Variants in EXTL3 observed in about 807,000 individuals in gnomAD.
The protein encoded by EXTL3 is exostosin-like 3.
EXTL3 carries 27 observed loss-of-function variants against 69.3 expected under a neutral mutation model. The observed-to-expected ratio is 0.39, with a 90% confidence interval of 0.29 to 0.54. The LOEUF is 0.54. EXTL3 is among the 20% of genes least tolerant of loss of function. The pLI is 0.69. For missense variants in EXTL3, 1,003 were observed against 1,231.8 expected, an observed-to-expected ratio of 0.81 and a Z score of 2.78; for synonymous variants, 511 against 499.4, an observed-to-expected ratio of 1.02 and a Z score of -0.31.
chr8:28,626,916 C>T (rs1272967451), intron 1 of EXTL3, among the ~76,000 whole-genome samples: 1 of 152,340 alleles, frequency 6.6e-6, no homozygotes, highest in Non-Finnish European at 1.5e-5. Flanking sequence ...GGCGTGGTGG[C>T]TCATGCCTGT....
At chr8:28,609,148 G>A (rs980845591) in intron 2 of EXTL3, among the ~76,000 whole-genome samples, 2 of 152,018 alleles carry the variant, frequency 1.3e-5, no homozygotes, top group Non-Finnish European at 1.5e-5. Flanking sequence ...AAATAAGGCC[G>A]ATTTGTCCAG....
chr8:28,673,711 C>T (rs1807335824), intron 1 of EXTL3, among the ~76,000 whole-genome samples: 1 of 152,140 alleles, frequency 6.6e-6, no homozygotes, highest in Non-Finnish European at 1.5e-5. Flanking sequence ...CTCTCTGTAT[C>T]TATCTATATA....
At chr8:28,692,980 C>G (rs2130680916) in intron 1 of EXTL3, among the ~76,000 whole-genome samples, 1 of 152,254 alleles carries the variant, frequency 6.6e-6, no homozygotes, top group African/African-American at 2.4e-5. Flanking sequence ...TTTTGCTACT[C>G]ACTGGCATAA....
chr8:28,669,933 G>C (rs570044058), intron 1 of EXTL3, among the ~76,000 whole-genome samples: 1 of 152,228 alleles, frequency 6.6e-6, no homozygotes, highest in African/African-American at 2.4e-5. Context: ...TTGAGGCCGG[G>C]TGCAGTGGCT....
intron 1 of EXTL3, among the ~76,000 whole-genome samples, chr8:28,687,375 A>G (rs956022643): frequency 6.6e-6 from 1 of 152,184 alleles, no homozygotes; most frequent in Admixed American, 6.5e-5. Flanking sequence ...CTGAGGCAGG[A>G]GAATCGCTTG....
At chr8:28,691,826 G>A (rs372201682) in intron 1 of EXTL3, among the ~76,000 whole-genome samples, 1 of 151,412 alleles carries the variant, frequency 6.6e-6, no homozygotes, top group Non-Finnish European at 1.5e-5. Context: ...GAACCCGGGA[G>A]GCAGAAGTTG....
chr8:28,750,689 A>C lies in EXTL3; in HGVS notation c.2583A>C (p.Gly861=), dbSNP rs930358230. ...CACGGTGGACATTCCGATGCCCAGG[A>C]TGCCCTCAGGCCCTGTCTCATGATG... ...VTSRWTFRCP[G]CPQALSHDDS... Residue 861 remains glycine (G), a synonymous_variant, in exon 7 of 7, where the codon GGA becomes GGC. Transcript: ENST00000220562. The surrounding 1 kb of genome is among the most constrained non-coding windows in gnomAD (Gnocchi z 5.2). The C allele has an allele frequency of 2.4e-5, 39 of 1,614,146 alleles. No homozygotes were observed. Among genetic ancestry groups the C allele is most frequent in the Non-Finnish European group, 3.3e-5 (39 of 1,180,016 alleles).
At chr8:28,619,781 C>T (rs886346073), upstream of EXTL3, among the ~76,000 whole-genome samples, 2 of 142,408 alleles carry the variant, frequency 1.4e-5, no homozygotes, top group African/African-American at 2.5e-5. Flanking sequence ...CACACATTAG[C>T]GCTTTTATTT....
At chr8:28,639,502 T>C (rs1057128734) in intron 1 of EXTL3, among the ~76,000 whole-genome samples, 1 of 152,228 alleles carries the variant, frequency 6.6e-6, no homozygotes, top group Non-Finnish European at 1.5e-5. Flanking sequence ...AGCAGGAAGC[T>C]GAAGCAAAAC....
intron 1 of EXTL3, among the ~76,000 whole-genome samples, chr8:28,689,245 A>G (rs772971193): frequency 1.3e-5 from 2 of 152,118 alleles, no homozygotes; most frequent in Non-Finnish European, 2.9e-5. Flanking sequence ...GGCTTAGGGG[A>G]TTTTATATCC....
chr8:28,706,210 A>C (rs933713918), intron 1 of EXTL3, among the ~76,000 whole-genome samples: 3 of 152,214 alleles, frequency 2.0e-5, no homozygotes, highest in Non-Finnish European at 4.4e-5. Flanking sequence ...TTTACATACA[A>C]ATCTTGCTCA....
At chr8:28,664,627 T>C (rs1418028511) in intron 1 of EXTL3, among the ~76,000 whole-genome samples, 2 of 152,240 alleles carry the variant, frequency 1.3e-5, no homozygotes, top group Non-Finnish European at 2.9e-5. Context: ...TGATTCTTTA[T>C]AGAATCCAGA....
intron 1 of EXTL3, among the ~76,000 whole-genome samples, chr8:28,710,925 C>G (rs928883539): frequency 5.9e-5 from 9 of 152,142 alleles, no homozygotes; most frequent in Non-Finnish European, 5.9e-5. Flanking sequence ...GTGTTCCTTC[C>G]TCTGGAAGAG....
chr8:28,684,418 A>T (rs915738010), intron 1 of EXTL3, among the ~76,000 whole-genome samples: 1 of 152,062 alleles, frequency 6.6e-6, no homozygotes, highest in Non-Finnish European at 1.5e-5. Context: ...CATTATTTCT[A>T]TCTGAGGTGG....
intron 1 of EXTL3, among the ~76,000 whole-genome samples, chr8:28,634,605 T>C (rs1183973251): frequency 2.0e-5 from 3 of 151,258 alleles, no homozygotes; most frequent in African/African-American, 7.3e-5. Context: ...TGCTTTTTTT[T>C]TTTTTTTTGA....
At chr8:28,625,619 C>T (rs1337789691) in intron 1 of EXTL3, among the ~76,000 whole-genome samples, 4 of 152,186 alleles carry the variant, frequency 2.6e-5, no homozygotes, top group Non-Finnish European at 4.4e-5. Context: ...TCAATAAACA[C>T]CCTAGCACAG....
chr8:28,619,996 G>C (rs1806389773), upstream of EXTL3, among the ~76,000 whole-genome samples: 1 of 150,622 alleles, frequency 6.6e-6, no homozygotes, highest in Non-Finnish European at 1.5e-5. Flanking sequence ...TCAACCTCCC[G>C]AGTAGCTGGG....
intron 1 of EXTL3, among the ~76,000 whole-genome samples, chr8:28,683,983 T>C (rs1168628398): frequency 6.6e-6 from 1 of 152,134 alleles, no homozygotes; most frequent in Non-Finnish European, 1.5e-5. Flanking sequence ...CTCCATGAAT[T>C]CAGTTGTTTT....
At chr8:28,659,317 T>A (rs1379505397) in intron 1 of EXTL3, among the ~76,000 whole-genome samples, 2 of 152,204 alleles carry the variant, frequency 1.3e-5, no homozygotes, top group African/African-American at 4.8e-5. Context: ...GCCAAGTGTT[T>A]TATTGCTTTT....
Sources: gnomAD v4.1 joint callset for allele counts (sites outside exome capture counted in the v4.1 genomes callset) on GRCh38, gnomAD v4.1.1 for gene constraint, Gnocchi (gnomAD v3.1) non-coding constraint, MANE v1.5 for transcripts, NCBI Gene and HGNC (gene_info 2026-07-23, HGNC 2026-07-21) for gene names.